Variants in TMEM117 observed in about 807,000 individuals in gnomAD.
The protein encoded by TMEM117 is transmembrane protein 117.
A neutral mutation model predicts 52.4 loss-of-function variants in TMEM117; 27 were observed. That is an observed-to-expected ratio of 0.51 (90% confidence interval 0.38 to 0.71). TMEM117 has a LOEUF of 0.71. Ranked by LOEUF, TMEM117 falls within the 30% of genes least tolerant of loss-of-function variation. The probability of loss-of-function intolerance (pLI) is 0.00; values close to 1 mark genes in which losing one functional copy is unlikely to be tolerated. For synonymous variants in TMEM117, 215 were observed against 206.3 expected, an observed-to-expected ratio of 1.04 and a Z score of -0.36; for missense variants, 556 against 630.5, an observed-to-expected ratio of 0.88 and a Z score of 1.26.
At chr12:43,894,640 C>T (rs529443977) in intron 2 of TMEM117, among the ~76,000 whole-genome samples, 16 of 151,920 alleles carry the variant, frequency 1.1e-4, no homozygotes, top group South Asian at 2.1e-4. Context: ...ACCTAGAATT[C>T]GTGGTATTTG....
chr12:43,927,928 C>T (rs578179044), intron 2 of TMEM117, among the ~76,000 whole-genome samples: 1 of 152,014 alleles, frequency 6.6e-6, no homozygotes, highest in African/African-American at 2.4e-5. Context: ...CTTGATTCTG[C>T]CAAGTTTTTT....
At chr12:43,863,891 G>C (rs1031943735) in intron 2 of TMEM117, among the ~76,000 whole-genome samples, 1 of 152,204 alleles carries the variant, frequency 6.6e-6, no homozygotes, top group African/African-American at 2.4e-5. Flanking sequence ...TTGCAGGGAG[G>C]TGTGGAGGGA....
chr12:43,912,755 A>T lies in TMEM117; in HGVS notation c.278-31455A>T, dbSNP rs192499626. 3.3e-3 allele frequency among the ~76,000 whole-genome samples: 502 copies of T among 152,056 alleles called. 2 individuals are homozygous for T. Among genetic ancestry groups the T allele is most frequent in the African/African-American group, 0.012 (494 of 41,426 alleles). Reference sequence around the variant, plus strand: ...TGCTTTTCCATGTGATTTTCAATTAATATATGTGTAGCCTTTAATGCATGT... The same window carrying T: ...TGCTTTTCCATGTGATTTTCAATTATTATATGTGTAGCCTTTAATGCATGT... On this transcript the variant is annotated intron_variant, in intron 2 of 7. Coordinates refer to ENST00000266534, the MANE Select transcript of TMEM117 (RefSeq NM_032256.3).
chr12:43,900,613 G>T (rs1348860905), intron 2 of TMEM117, among the ~76,000 whole-genome samples: 1 of 151,902 alleles, frequency 6.6e-6, no homozygotes, highest in Non-Finnish European at 1.5e-5. Context: ...AGCTACTTGG[G>T]AGGCTGAGGA....
chr12:44,246,164 G>A (rs1481488115), intron 5 of TMEM117, among the ~76,000 whole-genome samples: 4 of 152,036 alleles, frequency 2.6e-5, no homozygotes, highest in South Asian at 2.1e-4. Flanking sequence ...AAAGGTAGGA[G>A]TTTTATTTTT....
chr12:44,388,754 A>C lies in TMEM117; in HGVS notation c.*82A>C, dbSNP rs1416800586. 2.0e-6 allele frequency: 3 copies of C among 1,473,178 alleles called. No homozygotes were observed. The highest frequency in any genetic ancestry group is 2.8e-6 in the Non-Finnish European group (3 of 1,084,962). The allele number at this position is 1,473,178 out of a possible 1,614,324, so 91.3% of individuals were successfully genotyped here. A position where few individuals can be genotyped will look rare whatever the true frequency, so the allele number is the denominator to read the frequency against. ...ATTTAGTCTTTCCTTTTGTATATGTAAGGTTTACGTAGTGTTAGGTAAAAA... is the reference window on the plus strand; with the variant it reads ...ATTTAGTCTTTCCTTTTGTATATGTCAGGTTTACGTAGTGTTAGGTAAAAA... On this transcript the variant is annotated 3_prime_UTR_variant, in exon 8 of 8. Coordinates refer to ENST00000266534, the MANE Select transcript of TMEM117 (RefSeq NM_032256.3).
chr12:43,927,075 A>C (rs1944791032), intron 2 of TMEM117, among the ~76,000 whole-genome samples: 1 of 151,932 alleles, frequency 6.6e-6, no homozygotes, highest in Non-Finnish European at 1.5e-5. Context: ...ATTTTCAACT[A>C]TTTTTGTTGC....
At chr12:44,152,003 A>G (rs1218550061) in intron 4 of TMEM117, among the ~76,000 whole-genome samples, 3 of 120,964 alleles carry the variant, frequency 2.5e-5, no homozygotes, top group Non-Finnish European at 4.8e-5. Context: ...TATTATAAAT[A>G]TAATATATAT....
At chr12:43,844,547 A>G in intron 1 of TMEM117, 77 bp from the exon 2 acceptor site, 1 of 1,302,832 alleles carries the variant, frequency 7.7e-7, no homozygotes, top group Non-Finnish European at 1.1e-6. Context: ...TGGAACTGTT[A>G]TAAACCTGAA....
intron 3 of TMEM117, among the ~76,000 whole-genome samples, chr12:44,039,272 C>G (rs1422865856): frequency 6.6e-6 from 1 of 151,950 alleles, no homozygotes; most frequent in East Asian, 1.9e-4. Flanking sequence ...ATCAATTTTA[C>G]AAATCTGTGA....
At chr12:43,902,903 GAAA>G (rs150180902) in intron 2 of TMEM117, among the ~76,000 whole-genome samples, 2 of 146,818 alleles carry the variant, frequency 1.4e-5, no homozygotes, top group Non-Finnish European at 1.5e-5. Context: ...TACCTAAATA[GAAA>G]AAAAAAATGC....
At chr12:43,877,125 A>C (rs1443596986) in intron 2 of TMEM117, among the ~76,000 whole-genome samples, 2 of 152,212 alleles carry the variant, frequency 1.3e-5, no homozygotes, top group Admixed American at 6.5e-5. Flanking sequence ...GTCCATGTAC[A>C]TACATACATT....
intron 6 of TMEM117, among the ~76,000 whole-genome samples, chr12:44,311,396 G>C (rs1034402802): frequency 6.6e-6 from 1 of 152,016 alleles, no homozygotes; most frequent in Non-Finnish European, 1.5e-5. Context: ...CTAGAAAAAA[G>C]ATAAGTAGTT....
chr12:44,266,052 A>G (rs566958849), intron 5 of TMEM117, among the ~76,000 whole-genome samples: 190 of 152,336 alleles, frequency 1.2e-3, no homozygotes, highest in African/African-American at 4.2e-3. Context: ...TAATGCTGCT[A>G]TGAACATTCA....
the TMEM117 span, among the ~76,000 whole-genome samples, chr12:43,813,231 G>GCTTTTTTTTTTTTTTTTTTTTTTTTT: frequency 1.1e-4 from 7 of 62,666 alleles, 1 homozygote; most frequent in African/African-American, 4.1e-4. Flanking sequence ...GTTTTCTCTT[G>GCTTTTTTTTTTTTTTTTTTTTTTTTT]TTTTTTTTTT....
chr12:43,929,086 T>TTA (rs1440511241), intron 2 of TMEM117, among the ~76,000 whole-genome samples: 1 of 151,866 alleles, frequency 6.6e-6, no homozygotes, highest in Non-Finnish European at 1.5e-5. Context: ...GCAGCATGAT[T>TTA]TATAGTCCTT....
chr12:44,001,356 C>G lies in TMEM117; in HGVS notation c.410+57014C>G, dbSNP rs186625246. Reference sequence around the variant, plus strand: ...CTGGAGAAAGTACAGGAGAGGTGCTCTAAGATAGTAGTTCTCCAAGTGGGG... The same window carrying G: ...CTGGAGAAAGTACAGGAGAGGTGCTGTAAGATAGTAGTTCTCCAAGTGGGG... On this transcript the variant is annotated intron_variant, in intron 3 of 7. Transcript: ENST00000266534. 5.9e-5 allele frequency among the ~76,000 whole-genome samples: 9 copies of G among 152,236 alleles called. No homozygotes were observed. In the East Asian group the frequency reaches 1.7e-3, roughly 29 times the overall value.
chr12:44,194,017 A>G lies in TMEM117; in HGVS notation c.511-17273A>G, dbSNP rs201175417. The stretch of plus-strand genomic sequence containing the variant: ...AAGATTTTAATTATTAGAATTATCT[A>G]TATAGAACATAAAGTAATATATGCA... On this transcript the variant is annotated intron_variant, in intron 4 of 7. Coordinates refer to ENST00000266534, the MANE Select transcript of TMEM117 (RefSeq NM_032256.3). Among the ~76,000 whole-genome samples the G allele has an allele frequency of 6.6e-5, 10 of 152,352 alleles. No homozygotes were observed. In the East Asian group the frequency reaches 1.9e-3, roughly 29 times the overall value.
intron 6 of TMEM117, among the ~76,000 whole-genome samples, chr12:44,353,001 G>A (rs984390642): frequency 3.9e-5 from 6 of 152,144 alleles, no homozygotes; most frequent in Non-Finnish European, 7.4e-5. Context: ...ACTGGTGTGA[G>A]ATGGTATCTC....
Sources: gnomAD v4.1 joint callset for allele counts (sites outside exome capture counted in the v4.1 genomes callset) on GRCh38, gnomAD v4.1.1 for gene constraint, MANE v1.5 for transcripts, NCBI Gene and HGNC (gene_info 2026-07-23, HGNC 2026-07-21) for gene names.